CTR9: variants seen among roughly 807,000 people sequenced by gnomAD.
CTR9 encodes RNA polymerase-associated protein CTR9 homolog.
CTR9 carries 41 observed loss-of-function variants against 152.1 expected under a neutral mutation model. The ratio of observed to expected loss-of-function variants is 0.27; its 90% confidence interval spans 0.21 to 0.35. CTR9 has a LOEUF of 0.35. Ranked by LOEUF, CTR9 falls within the 10% of genes least tolerant of loss-of-function variation. CTR9 has a pLI of 1.00. For missense variants in CTR9, 917 were observed against 1,424.4 expected (o/e 0.64, Z 5.73); for synonymous variants, 476 against 496.2 (o/e 0.96, Z 0.54).
chr11:10,769,600 T>C (rs890245704), intron 16 of CTR9, among the ~76,000 whole-genome samples: 1 of 152,222 alleles, frequency 6.6e-6, no homozygotes, highest in Non-Finnish European at 1.5e-5. Context: ...AATGATAATG[T>C]TGTCTTTTAT....
chr11:10,770,242 C>G lies in CTR9; in HGVS notation c.2142C>G (p.His714Gln). 1 of 1,613,624 alleles carries G rather than the reference C, an allele frequency of 6.2e-7. No homozygotes were observed. The highest frequency in any genetic ancestry group is 1.3e-5 in the African/African-American group (1 of 75,014). The change falls in exon 17 of 25, where the codon CAC (histidine) becomes CAG (glutamine). Residue 714 changes from histidine to glutamine, a missense_variant. Transcript: ENST00000361367. The part of the protein sequence containing the change: ...YENCLRKFYK[H>Q]QNTEVVLYLA... ...ACTGCCTCCGAAAGTTCTATAAGCA[C>G]CAAAACACTGAAGTTGTACTCTATT... is the stretch of plus-strand genomic sequence containing the variant.
chr11:10,751,408 C>T lies in CTR9; in HGVS notation c.-5C>T, dbSNP rs755686110. 6.2e-7 allele frequency: 1 copy of T among 1,613,146 alleles called. No homozygotes were observed. The highest frequency in any genetic ancestry group is 8.5e-7 in the Non-Finnish European group (1 of 1,180,014). ...CGAGACACTTGCTCGCCTTTTGACC[C>T]CATCATGTCGCGGGGCTCCATCGAG... On this transcript the variant is annotated 5_prime_UTR_variant, in exon 1 of 25. Transcript: ENST00000361367.
intron 5 of CTR9, among the ~76,000 whole-genome samples, chr11:10,758,222 A>G (rs369823469): frequency 6.6e-6 from 1 of 152,162 alleles, no homozygotes. Context: ...TGGGCAGCAG[A>G]GTGACGTGAT....
chr11:10,763,566 A>T (rs565770873), intron 8 of CTR9, 28 bp downstream of exon 8: 7 of 1,575,042 alleles, frequency 4.4e-6, no homozygotes, highest in African/African-American at 1.4e-5. Flanking sequence ...CTAAATGTCT[A>T]ATCTTTTTAC....
chr11:10,761,115 C>T (rs1862968702), intron 6 of CTR9, among the ~76,000 whole-genome samples: 1 of 152,104 alleles, frequency 6.6e-6, no homozygotes. Context: ...GGGAACTGTC[C>T]CTTCCATTAT....
At position 10,776,752 on chromosome 11, in the gene CTR9, C is replaced by T. The variant is rs534874483; in HGVS notation, c.3095+1119C>T. The stretch of plus-strand genomic sequence containing the variant: ...CTTTGAGAGGCCAACGTGGGCGGAT[C>T]ACTTGAGGCCAGGAGTTTGAGACCA... On this transcript the variant is annotated intron_variant, in intron 24 of 24. Transcript: ENST00000361367. Among the ~76,000 whole-genome samples the T allele has an allele frequency of 2.6e-5, 4 of 152,124 alleles. No homozygotes were observed. The East Asian group carries it at 7.7e-4, about 29-fold the overall frequency.
intron 7 of CTR9, 27 bp downstream of exon 7, chr11:10,762,081 G>A: frequency 7.1e-7 from 1 of 1,415,586 alleles, no homozygotes; most frequent in African/African-American, 1.5e-5. Flanking sequence ...TTTAAATTCT[G>A]ATTTTTGTTT....
chr11:10,760,607 A>C (rs984345518), intron 6 of CTR9, among the ~76,000 whole-genome samples: 5 of 151,812 alleles, frequency 3.3e-5, no homozygotes, highest in Non-Finnish European at 5.9e-5. Flanking sequence ...AAAAAAAAAA[A>C]CAGAAAACAA....
intron 1 of CTR9, among the ~76,000 whole-genome samples, chr11:10,752,301 C>T (rs779187771): frequency 2.0e-5 from 3 of 152,126 alleles, no homozygotes; most frequent in Non-Finnish European, 2.9e-5. Context: ...CTTGTAGGGT[C>T]ATGCATCTCA....
Position 10,751,325 on chromosome 11 carries a change from C to A in CTR9, c.-88C>A. On this transcript the variant is annotated 5_prime_UTR_variant, in exon 1 of 25. Transcript: ENST00000361367. ...GCGGCAGTCAAGACCAGAGCCGGAG[C>A]CGTCACTCACCTCTGGATTAGCCTG... 7.2e-7 allele frequency: 1 copy of A among 1,388,262 alleles called. No individual in the cohort carries two copies. Among genetic ancestry groups the A allele is most frequent in the Non-Finnish European group, 1.0e-6 (1 of 981,004 alleles). 86.0% of individuals were successfully genotyped at this position (1,388,262 alleles called of 1,614,324 possible).
Position 10,766,394 on chromosome 11 carries a change from G to T in CTR9, c.1598-8G>T. ...TTGGGATATAAAAACTTTTAAATAT[G>T]TTTTCAGGCTATTTGCGCCTAGGAG... is the stretch of plus-strand genomic sequence containing the variant. On this transcript the variant is annotated splice_polypyrimidine_tract_variant and splice_region_variant and intron_variant, in intron 12 of 24. Transcript: ENST00000361367. The T allele has an allele frequency of 6.3e-7, 1 of 1,595,980 alleles. No individual in the cohort carries two copies. The highest frequency in any genetic ancestry group is 8.5e-7 in the Non-Finnish European group (1 of 1,172,178).
chr11:10,753,630 T>G (rs1161448057), intron 2 of CTR9, among the ~76,000 whole-genome samples: 1 of 150,824 alleles, frequency 6.6e-6, no homozygotes, highest in African/African-American at 2.4e-5. Flanking sequence ...AGACCAAGCC[T>G]CCTTGTCACA....
chr11:10,774,446 G>C (rs2135384275), intron 22 of CTR9: 1 of 264,854 alleles, frequency 3.8e-6, no homozygotes, highest in South Asian at 8.8e-5. Flanking sequence ...GAAAACATGT[G>C]ATTTAGAATA....
intron 22 of CTR9, among the ~76,000 whole-genome samples, chr11:10,774,533 G>A (rs892785387): frequency 4.6e-5 from 7 of 152,212 alleles, no homozygotes; most frequent in South Asian, 2.1e-4. Flanking sequence ...CCTCTCTGTC[G>A]TTGGTAACAG....
chr11:10,775,376 T>A, intron 23 of CTR9, 73 bp downstream of exon 23: 2 of 1,439,042 alleles, frequency 1.4e-6, no homozygotes, highest in South Asian at 2.4e-5. Flanking sequence ...AATACATTCT[T>A]TCCTTGCAGC....
rs761302085 is a variant in CTR9, at chr11:10,774,012, C to T, written c.2728C>T (p.Arg910Cys). The T allele has an allele frequency of 8.1e-6, 13 of 1,605,282 alleles. No homozygotes were observed. Among genetic ancestry groups the T allele is most frequent in the East Asian group, 6.7e-5 (3 of 44,682 alleles). Residue 910 changes from arginine (R) to cysteine (C), a missense_variant and splice_region_variant, in exon 22 of 25, where the codon CGT becomes TGT. Arg to Cys is a radical substitution (Grantham distance 180). Coordinates refer to ENST00000361367, the MANE Select transcript of CTR9 (RefSeq NM_014633.5). ...GACTATAGTGTTGTTTGGATTTTAG[C>T]GTTCTAAGAAGGGAGGAGAGTTTGA... ...EKKRGGGGGR[R>C]SKKGGEFDEF... is the part of the protein sequence containing the mutation.
At chr11:10,768,550 C>A in intron 16 of CTR9, 59 bp downstream of exon 16, 2 of 1,518,936 alleles carry the variant, frequency 1.3e-6, no homozygotes, top group Admixed American at 4.4e-5. Context: ...CAGATGTTTT[C>A]TTAGCCATTC....
chr11:10,753,963 A>G (rs1862845115), intron 2 of CTR9, among the ~76,000 whole-genome samples: 1 of 152,164 alleles, frequency 6.6e-6, no homozygotes, highest in Non-Finnish European at 1.5e-5. Flanking sequence ...TACCTCATAG[A>G]GTGGTTGTAC....
intron 12 of CTR9, among the ~76,000 whole-genome samples, chr11:10,764,985 G>C (rs528669128): frequency 3.9e-5 from 6 of 152,242 alleles, no homozygotes; most frequent in African/African-American, 1.4e-4. Context: ...AGCTACCTTT[G>C]TTAGGCTTTT....
Sources: allele counts gnomAD v4.1 joint callset (sites outside exome capture counted in the v4.1 genomes callset), GRCh38; gene constraint gnomAD v4.1.1; transcripts MANE v1.5; gene names NCBI Gene and HGNC (gene_info 2026-07-23, HGNC 2026-07-21).